Variants in CADPS observed in about 807,000 individuals in gnomAD.
CADPS encodes the protein calcium-dependent secretion activator 1.
In CADPS, 57 loss-of-function variants were observed where a neutral mutation model predicts 167.3. The observed-to-expected ratio is 0.34, with a 90% CI of 0.28 to 0.42. CADPS has a LOEUF of 0.42. CADPS is among the 20% of genes least tolerant of loss of function. The pLI is 1.00. For missense variants in CADPS, 1,414 were observed against 1,738.1 expected, an observed-to-expected ratio of 0.81 and a Z score of 3.32; for synonymous variants, 676 against 635.3, an observed-to-expected ratio of 1.06 and a Z score of -0.96.
intron 3 of CADPS, among the ~76,000 whole-genome samples, chr3:62,705,399 C>G (rs1340184479): frequency 1.3e-5 from 2 of 152,110 alleles, no homozygotes; most frequent in Admixed American, 1.3e-4. Context: ...CAAGGGATAT[C>G]CCAGGTGCGA....
At chr3:62,706,736 T>G (rs1397096809) in intron 3 of CADPS, among the ~76,000 whole-genome samples, 1 of 152,134 alleles carries the variant, frequency 6.6e-6, no homozygotes, top group Non-Finnish European at 1.5e-5. Context: ...AGATTTCCCC[T>G]TTTTATAAGA....
At position 62,662,294 on chromosome 3, in the gene CADPS, CA is replaced by C; in HGVS notation, c.969+19del. 1 of 1,608,404 alleles carries C rather than the reference CA, an allele frequency of 6.2e-7. No individual in the cohort carries two copies. The highest frequency in any genetic ancestry group is 8.5e-7 in the Non-Finnish European group (1 of 1,174,936). On this transcript the variant is annotated intron_variant, in intron 4 of 29. Coordinates refer to ENST00000383710, the MANE Select transcript of CADPS (RefSeq NM_003716.4). ...GGACTTTGGCCTGGACCCCAGCAAA[CA>C]ACCACAATGTTTCCTTACCCTGGCT...
At chr3:62,491,694 T>C (rs1158455301) in intron 20 of CADPS, among the ~76,000 whole-genome samples, 1 of 152,178 alleles carries the variant, frequency 6.6e-6, no homozygotes, top group Non-Finnish European at 1.5e-5. Flanking sequence ...AAAAACACTT[T>C]ACCCCTTGGT....
intron 24 of CADPS, among the ~76,000 whole-genome samples, chr3:62,471,880 A>C (rs1328277952): frequency 1.3e-5 from 2 of 152,236 alleles, no homozygotes; most frequent in East Asian, 3.8e-4. Flanking sequence ...CAAATCGTAT[A>C]TATGATAATG....
chr3:62,785,517 T>C (rs1180726221), intron 1 of CADPS, among the ~76,000 whole-genome samples: 1 of 152,194 alleles, frequency 6.6e-6, no homozygotes, highest in Non-Finnish European at 1.5e-5. Flanking sequence ...ACCCAGTACA[T>C]AATGGTGAGA....
chr3:62,538,425 C>A (rs188589083), intron 11 of CADPS, among the ~76,000 whole-genome samples: 1 of 152,078 alleles, frequency 6.6e-6, no homozygotes, highest in Admixed American at 6.6e-5. Flanking sequence ...ATAGACTCTG[C>A]CCTCTCACCT....
chr3:62,693,040 A>ATG (rs2079502907), intron 3 of CADPS, among the ~76,000 whole-genome samples: 3 of 151,150 alleles, frequency 2.0e-5, no homozygotes, highest in South Asian at 2.1e-4. Context: ...TTTCTTGGCC[A>ATG]TCAAGTTTTT....
rs200525370 is a variant in CADPS at position 62,475,597 on chromosome 3, A to AC, written c.3330-1278_3330-1277insG. On this transcript the variant is annotated intron_variant, in intron 23 of 29. Transcript: ENST00000383710. ...CCCAGTTCTTAAGAAAAAAAAAAAA[A>AC]AAAAAAAAAAAAAAACACCTAAAAA... 5.5e-5 allele frequency among the ~76,000 whole-genome samples: 8 copies of AC among 146,440 alleles called. No homozygotes were observed. In the East Asian group the frequency reaches 5.8e-4, roughly 11 times the overall value.
intron 8 of CADPS, among the ~76,000 whole-genome samples, chr3:62,571,195 C>T (rs1562306184): frequency 1.3e-5 from 2 of 152,142 alleles, no homozygotes; most frequent in African/African-American, 4.8e-5. Context: ...AAATGTGACG[C>T]TGCAACTTAA....
At chr3:62,765,441 G>C (rs1305412162) in intron 2 of CADPS, among the ~76,000 whole-genome samples, 1 of 152,054 alleles carries the variant, frequency 6.6e-6, no homozygotes, top group Admixed American at 6.6e-5. Flanking sequence ...ACCATCCTTG[G>C]GAGGTGCTAA....
chr3:62,729,138 T>C (rs930558067), intron 3 of CADPS, among the ~76,000 whole-genome samples: 1 of 151,882 alleles, frequency 6.6e-6, no homozygotes, highest in Non-Finnish European at 1.5e-5. Flanking sequence ...ATCCAAAAGG[T>C]TCACATTGCT....
intron 28 of CADPS, among the ~76,000 whole-genome samples, chr3:62,435,463 G>A (rs549617681): frequency 6.6e-6 from 1 of 152,312 alleles, no homozygotes; most frequent in African/African-American, 2.4e-5. Context: ...TACTAAGGCT[G>A]CATGGTAATG....
At chr3:62,593,111 C>G (rs1041729882) in intron 6 of CADPS, among the ~76,000 whole-genome samples, 3 of 152,218 alleles carry the variant, frequency 2.0e-5, no homozygotes, top group Non-Finnish European at 4.4e-5. Context: ...TTCATGGAAA[C>G]TGCAGTTGTA....
At chr3:62,803,225 C>G (rs542536071) in intron 1 of CADPS, among the ~76,000 whole-genome samples, 1 of 152,056 alleles carries the variant, frequency 6.6e-6, no homozygotes. Flanking sequence ...AGGAGAGAAG[C>G]CTTGATCTGA....
intron 24 of CADPS, 149 bp downstream of exon 24, chr3:62,474,024 T>C (rs1576515177): frequency 1.8e-6 from 1 of 556,930 alleles, no homozygotes; most frequent in East Asian, 3.0e-5. Flanking sequence ...AAACAGATAC[T>C]GAACACTCAT....
chr3:62,606,203 G>C (rs966987773), intron 6 of CADPS, among the ~76,000 whole-genome samples: 1 of 152,096 alleles, frequency 6.6e-6, no homozygotes, highest in Non-Finnish European at 1.5e-5. Flanking sequence ...ACTCCTTTTG[G>C]CCTCTGCTAT....
At chr3:62,655,800 C>T (rs1365744886) in intron 4 of CADPS, among the ~76,000 whole-genome samples, 1 of 152,144 alleles carries the variant, frequency 6.6e-6, no homozygotes, top group Non-Finnish European at 1.5e-5. Context: ...TTAATCCAAT[C>T]TCTCAGACAC....
chr3:62,818,753 T>C (rs944116602), intron 1 of CADPS, among the ~76,000 whole-genome samples: 2 of 152,168 alleles, frequency 1.3e-5, no homozygotes, highest in African/African-American at 2.4e-5. Flanking sequence ...TTATTCCTAA[T>C]AGCTAAAAAC....
chr3:62,873,947 G>T (rs929087889), intron 1 of CADPS, among the ~76,000 whole-genome samples: 1 of 152,206 alleles, frequency 6.6e-6, no homozygotes, highest in Admixed American at 6.5e-5. Context: ...AGTGCCCGAG[G>T]ACACTTTGGC....
Sources: allele counts gnomAD v4.1 joint callset (sites outside exome capture counted in the v4.1 genomes callset), GRCh38; gene constraint gnomAD v4.1.1; transcripts MANE v1.5; gene names NCBI Gene and HGNC (gene_info 2026-07-23, HGNC 2026-07-21).